ROCK2: variants seen among roughly 807,000 people sequenced by gnomAD.
ROCK2 encodes the protein Rho associated coiled-coil containing protein kinase 2.
A neutral mutation model predicts 195.1 loss-of-function variants in ROCK2; 61 were observed. That is an observed-to-expected ratio of 0.31 (90% CI 0.25 to 0.39). The LOEUF is 0.39. Among genes scored for constraint, ROCK2 ranks in the 10% least tolerant of loss-of-function variants. The probability of loss-of-function intolerance (pLI) is 1.00; values close to 1 mark genes in which losing one functional copy is unlikely to be tolerated. For synonymous variants in ROCK2, 504 were observed against 545.5 expected, an observed-to-expected ratio of 0.92 and a Z score of 1.06; for missense variants, 1,109 against 1,637.4, an observed-to-expected ratio of 0.68 and a Z score of 5.57.
intron 1 of ROCK2, among the ~76,000 whole-genome samples, chr2:11,288,897 C>A (rs936206038): frequency 1.3e-5 from 2 of 152,022 alleles, no homozygotes; most frequent in Non-Finnish European, 2.9e-5. Flanking sequence ...CACAGTGACA[C>A]CCTGTCTCTG....
Position 11,198,962 on chromosome 2 carries a change from G to A in ROCK2, c.2911-188C>T, listed in dbSNP as rs1183154770. ...CTCTGTCAACCAGGAGTGCAGTGGCGCAATCTCAGCTCACTGCAACCTCCG... is the reference window on the plus strand; with the variant it reads ...CTCTGTCAACCAGGAGTGCAGTGGCACAATCTCAGCTCACTGCAACCTCCG... On this transcript the variant is annotated intron_variant, in intron 23 of 32. Transcript: ENST00000315872. Among the ~76,000 whole-genome samples the A allele has an allele frequency of 4.7e-5, 7 of 150,162 alleles. No individual in the cohort carries two copies. The South Asian group carries it at 6.3e-4, about 13-fold the overall frequency.
rs367991548 is a variant in ROCK2 at position 11,197,663 on chromosome 2, C to T, written c.3142G>A (p.Val1048Ile). 2.8e-5 allele frequency: 45 copies of T among 1,604,348 alleles called. No homozygotes were observed. The African/African-American group carries it at 5.4e-4, about 19-fold the overall frequency. ...LAEIMNRKEP[V>I]KRGNDTDVRR... ...ACATCTGTGTCATTACCACGCTTGACAGGTTCTTTTCGATTCATGATCTCA... is the reference window on the plus strand; with the variant it reads ...ACATCTGTGTCATTACCACGCTTGATAGGTTCTTTTCGATTCATGATCTCA... The change falls in exon 26 of 33, where the codon GTC becomes ATC. Residue 1048 changes from valine to isoleucine, a missense_variant. By Grantham distance (29) the Val-to-Ile change is conservative. Coordinates refer to ENST00000315872, the MANE Select transcript of ROCK2 (RefSeq NM_004850.5). The surrounding 1 kb of genome is among the most constrained non-coding windows in gnomAD (Gnocchi z 4.9).
chr2:11,285,946 A>T (rs1348525816), intron 3 of ROCK2, among the ~76,000 whole-genome samples: 2 of 152,096 alleles, frequency 1.3e-5, no homozygotes, highest in African/African-American at 2.4e-5. Flanking sequence ...TACTTTTCTT[A>T]GTGCTCCATC....
At chr2:11,272,849 G>A (rs534631035) in intron 3 of ROCK2, among the ~76,000 whole-genome samples, 152 of 132,674 alleles carry the variant, frequency 1.1e-3, no homozygotes, top group African/African-American at 4.1e-3. Context: ...CAGCCTGGGC[G>A]ACAGAGCAAG....
chr2:11,315,522 A>G (rs924778042), intron 1 of ROCK2, among the ~76,000 whole-genome samples: 2 of 152,022 alleles, frequency 1.3e-5, no homozygotes, highest in Non-Finnish European at 2.9e-5. Context: ...TTAATTGTTT[A>G]CTCTTTACAT....
intron 17 of ROCK2, among the ~76,000 whole-genome samples, chr2:11,213,547 C>T (rs1020418970): frequency 1.1e-5 from 1 of 87,360 alleles, no homozygotes; most frequent in Non-Finnish European, 3.0e-5. Flanking sequence ...GTTGCAAGAC[C>T]ATATAACCCA....
chr2:11,339,108 G>A (rs1311214495), intron 1 of ROCK2, among the ~76,000 whole-genome samples: 1 of 152,126 alleles, frequency 6.6e-6, no homozygotes, highest in Non-Finnish European at 1.5e-5. Flanking sequence ...TTCATTGCAT[G>A]CAAATTTAAT....
chr2:11,202,211 G>T, intron 20 of ROCK2, 90 bp from the exon 21 acceptor site: 1 of 984,756 alleles, frequency 1.0e-6, no homozygotes, highest in Non-Finnish European at 1.6e-6. Context: ...AGCCCTGGGA[G>T]TCTCTGAGGT....
At chr2:11,296,267 T>G (rs1667535769) in intron 1 of ROCK2, among the ~76,000 whole-genome samples, 1 of 152,148 alleles carries the variant, frequency 6.6e-6, no homozygotes, top group African/African-American at 2.4e-5. Context: ...ACTCTGAATA[T>G]AGAGCTATTC....
chr2:11,233,296 A>G (rs1053959997), intron 5 of ROCK2, among the ~76,000 whole-genome samples: 10 of 152,210 alleles, frequency 6.6e-5, no homozygotes, highest in Admixed American at 6.5e-4. Context: ...TAAGATGAAC[A>G]TAATTGTTTA....
intron 4 of ROCK2, 63 bp from the exon 5 acceptor site, chr2:11,236,025 A>T (rs1353951572): frequency 7.3e-7 from 1 of 1,369,762 alleles, no homozygotes; most frequent in Non-Finnish European, 9.6e-7. Flanking sequence ...TAATCAGAAC[A>T]AAAATTTAAA....
intron 1 of ROCK2, among the ~76,000 whole-genome samples, chr2:11,301,494 C>T (rs1178778953): frequency 1.3e-5 from 2 of 151,926 alleles, no homozygotes; most frequent in East Asian, 3.9e-4. Context: ...CTTACCTACT[C>T]TGCTGGGCGC....
rs1662921046 is a variant in ROCK2, at chr2:11,180,053, A to G, written c.*3384T>C. 6.6e-6 allele frequency: 1 copy of G among 152,110 alleles called. No homozygotes were observed. The highest frequency in any genetic ancestry group is 1.9e-4 in the East Asian group (1 of 5,192). The allele number at this position is 152,110 out of a possible 1,614,324, so 9.4% of individuals were successfully genotyped here. On this transcript the variant is annotated 3_prime_UTR_variant, in exon 33 of 33. Coordinates refer to ENST00000315872, the MANE Select transcript of ROCK2 (RefSeq NM_004850.5). ...AGTGCTTATGTTCAAAGTGCTTACA[A>G]ATGGTGTCTTCACAGCATAGGGAAG...
chr2:11,268,762 C>T (rs1009604290), intron 3 of ROCK2, among the ~76,000 whole-genome samples: 17 of 152,132 alleles, frequency 1.1e-4, no homozygotes, highest in Non-Finnish European at 2.2e-4. Context: ...TGTAGATTTC[C>T]TTGAGTTCAA....
At chr2:11,309,067 G>A (rs1667952677) in intron 1 of ROCK2, 2 of 1,401,654 alleles carry the variant, frequency 1.4e-6, no homozygotes, top group African/African-American at 2.9e-5. Flanking sequence ...GTAGGCCGGA[G>A]GGAGTCCAAT....
At chr2:11,202,202 G>T in intron 20 of ROCK2, 81 bp from the exon 21 acceptor site, 2 of 1,105,852 alleles carry the variant, frequency 1.8e-6, no homozygotes, top group Non-Finnish European at 1.4e-6. Context: ...TCTGGGGGAA[G>T]CCCTGGGAGT....
At chr2:11,295,966 A>AAGAGAGAGAGAGAGAGAGAG (rs11413362) in intron 1 of ROCK2, among the ~76,000 whole-genome samples, 2 of 77,718 alleles carry the variant, frequency 2.6e-5, no homozygotes, top group African/African-American at 4.4e-5. Flanking sequence ...CAAAAAACAA[A>AAGAGAGAGAGAGAGAGAGAG]AGAGAGAGAG....
intron 1 of ROCK2, among the ~76,000 whole-genome samples, chr2:11,338,757 C>T (rs541116599): frequency 2.0e-5 from 3 of 152,068 alleles, no homozygotes; most frequent in Admixed American, 1.3e-4. Flanking sequence ...GAAGACAATT[C>T]AACAATGAGA....
intron 1 of ROCK2, among the ~76,000 whole-genome samples, chr2:11,291,316 G>A (rs1264708505): frequency 6.6e-6 from 1 of 152,192 alleles, no homozygotes; most frequent in East Asian, 1.9e-4. Flanking sequence ...TTGGGAGGCC[G>A]AGGCGGGCGC....
Sources: gnomAD v4.1 joint callset for allele counts (sites outside exome capture counted in the v4.1 genomes callset) on GRCh38, gnomAD v4.1.1 for gene constraint, Gnocchi (gnomAD v3.1) non-coding constraint, MANE v1.5 for transcripts, NCBI Gene and HGNC (gene_info 2026-07-23, HGNC 2026-07-21) for gene names.